The following HEMK2 variants were observed in gnomAD, a reference collection of about 807,000 sequenced individuals.
HEMK2 encodes the protein methyltransferase HEMK2.
chr21:28,885,298 G>A, the HEMK2 span: 2 of 1,590,168 alleles, frequency 1.3e-6, no homozygotes, highest in South Asian at 2.2e-5. Context: ...TGAAGGCGCC[G>A]CGGCCCACGT....
the HEMK2 span, among the ~76,000 whole-genome samples, chr21:28,759,275 A>T: frequency 6.6e-6 from 1 of 152,128 alleles, no homozygotes; most frequent in East Asian, 1.9e-4. Context: ...GAGTCAAAGG[A>T]GCTCATTTTG....
the HEMK2 span, among the ~76,000 whole-genome samples, chr21:28,760,356 TA>T: frequency 6.6e-6 from 1 of 152,144 alleles, no homozygotes; most frequent in Non-Finnish European, 1.5e-5. Context: ...GGCTATAGAG[TA>T]AAATTTTAGG....
the HEMK2 span, among the ~76,000 whole-genome samples, chr21:28,838,506 C>T: frequency 1.3e-5 from 2 of 151,268 alleles, no homozygotes; most frequent in African/African-American, 4.9e-5. Flanking sequence ...TGCACTCCAG[C>T]CTGGGCGACA....
At chr21:28,609,758 A>G in the HEMK2 span, among the ~76,000 whole-genome samples, 1 of 152,238 alleles carries the variant, frequency 6.6e-6, no homozygotes, top group Admixed American at 6.5e-5. Context: ...ACTTAGAGAA[A>G]TGTAAAATGC....
the HEMK2 span, chr21:28,885,320 G>A: frequency 7.6e-6 from 12 of 1,584,158 alleles, no homozygotes; most frequent in Non-Finnish European, 1.0e-5. Flanking sequence ...CCCGTGGAAC[G>A]GCGTAGCGAA....
chr21:28,644,729 C>A, the HEMK2 span, among the ~76,000 whole-genome samples: 2 of 152,130 alleles, frequency 1.3e-5, no homozygotes, highest in Non-Finnish European at 2.9e-5. Context: ...TTAGGTAAAT[C>A]AATTTCTCAT....
At chr21:28,603,911 A>T in the HEMK2 span, among the ~76,000 whole-genome samples, 1 of 152,144 alleles carries the variant, frequency 6.6e-6, no homozygotes, top group Admixed American at 6.5e-5. Flanking sequence ...ATGTCTACCC[A>T]GAAGTTGGTG....
At chr21:28,761,402 C>A in the HEMK2 span, among the ~76,000 whole-genome samples, 7 of 151,828 alleles carry the variant, frequency 4.6e-5, no homozygotes, top group African/African-American at 1.5e-4. Flanking sequence ...ATTGCAAGGA[C>A]CTGTGTTGAG....
chr21:28,831,582 GGAAAGAAGGAAA>G, the HEMK2 span, among the ~76,000 whole-genome samples: 2 of 46,748 alleles, frequency 4.3e-5, no homozygotes, highest in African/African-American at 3.0e-4. Context: ...AAAGAAAGAA[GGAAAGAAGGAAA>G]GAAGGAAAGA....
At chr21:28,659,855 T>C in the HEMK2 span, among the ~76,000 whole-genome samples, 1 of 152,096 alleles carries the variant, frequency 6.6e-6, no homozygotes, top group Non-Finnish European at 1.5e-5. Context: ...TAGTTACACA[T>C]ACATATGTGC....
At chr21:28,637,445 A>G in the HEMK2 span, among the ~76,000 whole-genome samples, 4 of 149,650 alleles carry the variant, frequency 2.7e-5, no homozygotes, top group Non-Finnish European at 4.4e-5. Context: ...TCTGCATGTA[A>G]CAGAAATTAA....
the HEMK2 span, among the ~76,000 whole-genome samples, chr21:28,650,521 A>G: frequency 2.4e-3 from 364 of 152,320 alleles, no homozygotes; most frequent in Middle Eastern, 0.02. Context: ...GAAGTGACCA[A>G]TTAGATATAG....
chr21:28,684,257 T>C, the HEMK2 span, among the ~76,000 whole-genome samples: 3 of 152,360 alleles, frequency 2.0e-5, no homozygotes, highest in Non-Finnish European at 4.4e-5. Flanking sequence ...AATGCAGCTT[T>C]AATTCTTTAA....
the HEMK2 span, among the ~76,000 whole-genome samples, chr21:28,668,647 C>T: frequency 2.0e-5 from 3 of 152,214 alleles, no homozygotes; most frequent in African/African-American, 7.2e-5. Flanking sequence ...CTGGTATGGT[C>T]GAGGGCAGTA....
chr21:28,829,480 C>T, the HEMK2 span, among the ~76,000 whole-genome samples: 3 of 152,272 alleles, frequency 2.0e-5, no homozygotes, highest in African/African-American at 7.2e-5. Flanking sequence ...CCTCTGACAT[C>T]CTATGCCTTT....
the HEMK2 span, among the ~76,000 whole-genome samples, chr21:28,699,435 G>C: frequency 6.6e-6 from 1 of 152,146 alleles, no homozygotes; most frequent in African/African-American, 2.4e-5. Context: ...AAGATATTAA[G>C]TTGGGTCAAA....
At chr21:28,611,416 C>T in the HEMK2 span, among the ~76,000 whole-genome samples, 1 of 151,942 alleles carries the variant, frequency 6.6e-6, no homozygotes, top group African/African-American at 2.4e-5. Flanking sequence ...CAACTGATAC[C>T]ACAGAAATAC....
chr21:28,677,056 C>T, the HEMK2 span, among the ~76,000 whole-genome samples: 1 of 152,134 alleles, frequency 6.6e-6, no homozygotes, highest in Non-Finnish European at 1.5e-5. Context: ...GGGTGCAGGA[C>T]AGTGGGTGCA....
At chr21:28,685,325 T>A in the HEMK2 span, among the ~76,000 whole-genome samples, 3 of 144,218 alleles carry the variant, frequency 2.1e-5, no homozygotes, top group African/African-American at 5.4e-5. Context: ...TCTTTTCAAC[T>A]GATCATGAGC....
Sources: allele counts gnomAD v4.1 joint callset (sites outside exome capture counted in the v4.1 genomes callset), GRCh38; gene constraint gnomAD v4.1.1; transcripts MANE v1.5; gene names NCBI Gene and HGNC (gene_info 2026-07-23, HGNC 2026-07-21).